Variants in PPP3R1 observed in about 807,000 individuals in gnomAD.
PPP3R1 encodes protein phosphatase 3 regulatory subunit B, alpha.
Under a neutral mutation model 22.6 loss-of-function variants are expected in PPP3R1, and 5 were observed. The observed-to-expected ratio is 0.22, with a 90% CI of 0.12 to 0.46. The LOEUF (loss-of-function observed/expected upper bound fraction) is 0.46, where lower values mean the gene tolerates loss of function less well. Among genes scored for constraint, PPP3R1 ranks in the 20% least tolerant of loss-of-function variants. The pLI is 0.99. For missense variants in PPP3R1, 61 were observed against 203.2 expected (o/e 0.30, Z 4.25); for synonymous variants, 56 against 65.2 (o/e 0.86, Z 0.68).
intron 2 of PPP3R1, among the ~76,000 whole-genome samples, chr2:68,205,750 A>G (rs1048859538): frequency 2.6e-5 from 4 of 152,192 alleles, no homozygotes; most frequent in Non-Finnish European, 5.9e-5. Flanking sequence ...GTGGAGTTAT[A>G]GCAGCCGAAA....
chr2:68,232,886 C>T (rs1007315083), intron 1 of PPP3R1, among the ~76,000 whole-genome samples: 2 of 152,154 alleles, frequency 1.3e-5, no homozygotes, highest in Non-Finnish European at 2.9e-5. Context: ...GGATTATAGG[C>T]TTGAGCCACC....
At chr2:68,222,335 T>C (rs1453222366) in intron 1 of PPP3R1, among the ~76,000 whole-genome samples, 1 of 152,196 alleles carries the variant, frequency 6.6e-6, no homozygotes, top group African/African-American at 2.4e-5. Flanking sequence ...ATGGTATCAT[T>C]GTGATGGTTA....
intron 2 of PPP3R1, among the ~76,000 whole-genome samples, chr2:68,198,257 G>T (rs752647648): frequency 6.9e-6 from 1 of 144,282 alleles, no homozygotes; most frequent in Non-Finnish European, 1.5e-5. Context: ...ACATACATAT[G>T]TATACATACA....
chr2:68,200,615 A>G (rs1674954814), intron 2 of PPP3R1, among the ~76,000 whole-genome samples: 1 of 152,198 alleles, frequency 6.6e-6, no homozygotes, highest in African/African-American at 2.4e-5. Context: ...GCTTGATGAC[A>G]AAGTGAGGTG....
chr2:68,214,480 A>C (rs1430804752), intron 2 of PPP3R1, among the ~76,000 whole-genome samples: 2 of 152,246 alleles, frequency 1.3e-5, no homozygotes, highest in Non-Finnish European at 2.9e-5. Flanking sequence ...ACACGAACAG[A>C]CACTTTTCAA....
At chr2:68,250,595 G>C (rs541170250) in intron 1 of PPP3R1, among the ~76,000 whole-genome samples, 1 of 152,176 alleles carries the variant, frequency 6.6e-6, no homozygotes, top group African/African-American at 2.4e-5. Context: ...AAAAGACTAT[G>C]CCAACAAAAA....
chr2:68,203,586 A>G (rs1280914263), intron 2 of PPP3R1, among the ~76,000 whole-genome samples: 1 of 143,552 alleles, frequency 7.0e-6, no homozygotes, highest in Non-Finnish European at 1.5e-5. Context: ...GGGCAACAAG[A>G]AAGAAACTCT....
chr2:68,189,519 C>A (rs1199439146), intron 2 of PPP3R1, among the ~76,000 whole-genome samples: 3 of 152,134 alleles, frequency 2.0e-5, no homozygotes, highest in African/African-American at 7.2e-5. Flanking sequence ...GACTAATACA[C>A]ATAAGTAATT....
intron 1 of PPP3R1, among the ~76,000 whole-genome samples, chr2:68,243,075 G>C (rs1001555340): frequency 2.0e-5 from 3 of 152,040 alleles, no homozygotes; most frequent in Non-Finnish European, 2.9e-5. Context: ...TACCAACAGG[G>C]CTACCAATTT....
intron 2 of PPP3R1, 59 bp downstream of exon 2, chr2:68,217,033 C>T: frequency 1.6e-6 from 2 of 1,245,280 alleles, no homozygotes; most frequent in Non-Finnish European, 2.2e-6. Context: ...CACACACACA[C>T]ACACACAGAG....
chr2:68,236,255 T>C (rs1670017652), intron 1 of PPP3R1, among the ~76,000 whole-genome samples: 1 of 152,154 alleles, frequency 6.6e-6, no homozygotes, highest in Admixed American at 6.5e-5. Context: ...TGAACATGCG[T>C]TTGTAAAGTT....
rs1176378077 is a variant in PPP3R1, at chr2:68,179,255, C to T, written c.*1708G>A. 1 of 152,624 alleles carries T rather than the reference C, an allele frequency of 6.6e-6. No individual in the cohort carries two copies. The highest frequency in any genetic ancestry group is 1.5e-5 in the Non-Finnish European group (1 of 68,038). The allele number at this position is 152,624 out of a possible 1,614,324, so 9.5% of individuals were successfully genotyped here. On this transcript the variant is annotated 3_prime_UTR_variant, in exon 6 of 6. Transcript: ENST00000234310. ...GGGATTATAAGCCATGCCACTGATC[C>T]AGAGGAAGAAAGTTACATGTAGTGG...
intron 2 of PPP3R1, among the ~76,000 whole-genome samples, chr2:68,215,935 TATAA>T (rs766987638): frequency 2.6e-5 from 4 of 152,186 alleles, no homozygotes; most frequent in Non-Finnish European, 4.4e-5. Context: ...AATACTAAAT[TATAA>T]ATAAAACACA....
chr2:68,233,798 T>C (rs1168631577), intron 1 of PPP3R1, among the ~76,000 whole-genome samples: 1 of 152,180 alleles, frequency 6.6e-6, no homozygotes, highest in African/African-American at 2.4e-5. Context: ...AAACTGAACA[T>C]AGAATAAATG....
intron 1 of PPP3R1, among the ~76,000 whole-genome samples, chr2:68,228,049 G>C (rs1421998169): frequency 6.6e-6 from 1 of 152,154 alleles, no homozygotes; most frequent in Non-Finnish European, 1.5e-5. Flanking sequence ...TACAGAGAAA[G>C]TACTGTCTTT....
chr2:68,191,884 C>A (rs562954011), intron 2 of PPP3R1, among the ~76,000 whole-genome samples: 1 of 152,202 alleles, frequency 6.6e-6, no homozygotes, highest in South Asian at 2.1e-4. Context: ...AAATGACACA[C>A]CCTTACTCTT....
intron 1 of PPP3R1, among the ~76,000 whole-genome samples, chr2:68,236,008 A>G (rs1031716521): frequency 2.0e-5 from 3 of 152,126 alleles, no homozygotes. Flanking sequence ...CCTACTCAGA[A>G]CCTTTGCCCA....
rs1407498489 is a variant in PPP3R1, at chr2:68,217,151, T to G, written c.4-20A>C. 2.6e-5 allele frequency: 40 copies of G among 1,555,076 alleles called. No homozygotes were observed. The highest frequency in any genetic ancestry group is 1.6e-4 in the Admixed American group (9 of 55,848). On this transcript the variant is annotated intron_variant, in intron 1 of 5. Coordinates refer to ENST00000234310, the MANE Select transcript of PPP3R1 (RefSeq NM_000945.4). ...ATTTCCCTGGGGGGAAAGAAAGAAA[T>G]AATTAGTCATAAAATAGGCACAAAT... is the stretch of plus-strand genomic sequence containing the variant.
intron 1 of PPP3R1, among the ~76,000 whole-genome samples, chr2:68,234,463 C>T (rs553409186): frequency 5.1e-4 from 78 of 152,310 alleles, no homozygotes; most frequent in African/African-American, 1.8e-3. Flanking sequence ...TATCATAAAG[C>T]CGCAGCCATT....
Sources: allele counts gnomAD v4.1 joint callset (sites outside exome capture counted in the v4.1 genomes callset), GRCh38; gene constraint gnomAD v4.1.1; transcripts MANE v1.5; gene names NCBI Gene and HGNC (gene_info 2026-07-23, HGNC 2026-07-21).